Variants in TRPS1 observed in about 807,000 individuals in gnomAD.
TRPS1 encodes the protein transcriptional repressor GATA binding 1.
A neutral mutation model predicts 101.2 loss-of-function variants in TRPS1; 6 were observed. The ratio of observed to expected loss-of-function variants is 0.06; its 90% confidence interval spans 0.03 to 0.12. The LOEUF (loss-of-function observed/expected upper bound fraction) is 0.12, where lower values mean the gene tolerates loss of function less well. Among genes scored for constraint, TRPS1 ranks in the 10% least tolerant of loss-of-function variants. TRPS1 has a pLI of 1.00. For synonymous variants in TRPS1, 578 were observed against 589.8 expected, an observed-to-expected ratio of 0.98 and a Z score of 0.29; for missense variants, 1,363 against 1,567.0, an observed-to-expected ratio of 0.87 and a Z score of 2.20.
At chr8:115,444,203 G>C (rs1284922934) in intron 5 of TRPS1, among the ~76,000 whole-genome samples, 1 of 152,040 alleles carries the variant, frequency 6.6e-6, no homozygotes, top group African/African-American at 2.4e-5. Context: ...CATCATGTCT[G>C]GTGTCCAACA....
intron 1 of TRPS1, among the ~76,000 whole-genome samples, chr8:115,632,972 C>A (rs1222922515): frequency 1.3e-5 from 2 of 152,066 alleles, no homozygotes; most frequent in African/African-American, 2.4e-5. Flanking sequence ...CACTTTTCAG[C>A]TAAAGTTTAA....
At chr8:115,555,862 A>C (rs1437970899) in intron 5 of TRPS1, among the ~76,000 whole-genome samples, 1 of 76,586 alleles carries the variant, frequency 1.3e-5, no homozygotes, top group African/African-American at 1.2e-4. Context: ...CAAACAAACA[A>C]ACAAACAAAA....
At chr8:115,639,215 T>C (rs1402080849) in intron 1 of TRPS1, among the ~76,000 whole-genome samples, 1 of 152,154 alleles carries the variant, frequency 6.6e-6, no homozygotes, top group East Asian at 1.9e-4. Flanking sequence ...AGGCATGTAC[T>C]ACCATTCTGG....
intron 5 of TRPS1, among the ~76,000 whole-genome samples, chr8:115,531,329 C>A (rs961229407): frequency 4.6e-5 from 7 of 152,040 alleles, no homozygotes; most frequent in Non-Finnish European, 8.8e-5. Context: ...TTCTTGTAAT[C>A]AAAAATGTTT....
At chr8:115,600,906 C>G (rs1447383851) in intron 4 of TRPS1, among the ~76,000 whole-genome samples, 1 of 151,676 alleles carries the variant, frequency 6.6e-6, no homozygotes, top group Non-Finnish European at 1.5e-5. Context: ...ATATAATAAC[C>G]CAGTTATAGT....
At chr8:115,512,231 C>CT (rs1282766672) in intron 5 of TRPS1, among the ~76,000 whole-genome samples, 1 of 151,542 alleles carries the variant, frequency 6.6e-6, no homozygotes, top group African/African-American at 2.4e-5. Flanking sequence ...TGTTCATGTA[C>CT]TTTTTTAAGC....
At position 115,463,818 on chromosome 8, in the gene TRPS1, T is replaced by C. The variant is rs538500330; in HGVS notation, c.2701-45366A>G. On this transcript the variant is annotated intron_variant, in intron 5 of 6. Coordinates refer to ENST00000395715, the MANE Select transcript of TRPS1 (RefSeq NM_014112.5). ...TTATTTCAGAGGGCACACCTTTCCT[T>C]AGTAGAAATGTAGTGTTAACCACAG... 1.5e-4 allele frequency among the ~76,000 whole-genome samples: 23 copies of C among 152,112 alleles called. No homozygotes were observed. In the East Asian group the frequency reaches 4.2e-3, roughly 28 times the overall value.
chr8:115,556,764 T>C (rs570167381), intron 5 of TRPS1, among the ~76,000 whole-genome samples: 1 of 152,300 alleles, frequency 6.6e-6, no homozygotes, highest in African/African-American at 2.4e-5. Context: ...CAGAAATTCA[T>C]CATGTCTAGT....
chr8:115,545,684 T>C (rs1174198702), intron 5 of TRPS1, among the ~76,000 whole-genome samples: 1 of 152,166 alleles, frequency 6.6e-6, no homozygotes, highest in Non-Finnish European at 1.5e-5. Context: ...CATTCATATT[T>C]TAGATAAAGA....
chr8:115,668,032 A>C, intron 1 of TRPS1: 1 of 520,162 alleles, frequency 1.9e-6, no homozygotes, highest in Non-Finnish European at 3.3e-6. Context: ...AGAGACAGCG[A>C]GGGGGAGTGG....
intron 5 of TRPS1, among the ~76,000 whole-genome samples, chr8:115,435,614 T>A (rs1813429083): frequency 6.6e-6 from 1 of 152,158 alleles, no homozygotes; most frequent in Admixed American, 6.5e-5. Flanking sequence ...TCACTTTAAG[T>A]AAAAATCAGA....
At chr8:115,422,558 G>C (rs1813093104) in intron 5 of TRPS1, among the ~76,000 whole-genome samples, 1 of 152,190 alleles carries the variant, frequency 6.6e-6, no homozygotes, top group South Asian at 2.1e-4. Flanking sequence ...GTGGGGTCGG[G>C]TTTCACCACG....
At chr8:115,633,358 T>C (rs1818692790) in intron 1 of TRPS1, among the ~76,000 whole-genome samples, 1 of 152,106 alleles carries the variant, frequency 6.6e-6, no homozygotes, top group Admixed American at 6.6e-5. Flanking sequence ...ATAAGAACTC[T>C]GTATGTGATT....
At chr8:115,464,890 C>T (rs1814279663) in intron 5 of TRPS1, among the ~76,000 whole-genome samples, 1 of 152,016 alleles carries the variant, frequency 6.6e-6, no homozygotes, top group Admixed American at 6.6e-5. Flanking sequence ...CAAAGTCAAA[C>T]AAGATGTGCT....
rs140792074 is a variant in TRPS1 at position 115,660,169 on chromosome 8, C to T, written c.-122+8376G>A. Reference sequence around the variant, plus strand: ...CATATATTTTTACACTATTTATAAACATATCTGATCTTCCATATGATATGT... The same window carrying T: ...CATATATTTTTACACTATTTATAAATATATCTGATCTTCCATATGATATGT... On this transcript the variant is annotated intron_variant, in intron 1 of 6. Coordinates refer to ENST00000395715, the MANE Select transcript of TRPS1 (RefSeq NM_014112.5). Among the ~76,000 whole-genome samples the T allele has an allele frequency of 1.6e-3, 249 of 152,058 alleles. 4 individuals carry two copies. In the East Asian group the frequency reaches 0.043, roughly 26 times the overall value.
chr8:115,428,838 C>T (rs561058150), intron 5 of TRPS1, among the ~76,000 whole-genome samples: 17 of 152,160 alleles, frequency 1.1e-4, no homozygotes, highest in Admixed American at 2.6e-4. Flanking sequence ...GTCCTCAGGA[C>T]GGGTAAAATC....
At chr8:115,641,722 T>C (rs1290503445) in intron 1 of TRPS1, among the ~76,000 whole-genome samples, 2 of 151,838 alleles carry the variant, frequency 1.3e-5, no homozygotes, top group Middle Eastern at 6.3e-3. Context: ...TCTACTAAAG[T>C]ACAAAAAATT....
chr8:115,436,914 T>C (rs536465431), intron 5 of TRPS1, among the ~76,000 whole-genome samples: 1 of 144,504 alleles, frequency 6.9e-6, no homozygotes, highest in East Asian at 2.1e-4. Context: ...GTACCAGAAG[T>C]AAAGCAGTAA....
chr8:115,578,653 A>C lies in TRPS1; in HGVS notation c.2700+8348T>G, dbSNP rs193139708. Among the ~76,000 whole-genome samples, 4 of 152,120 alleles carry C rather than the reference A, an allele frequency of 2.6e-5. No individual in the cohort carries two copies. In the East Asian group the frequency reaches 7.7e-4, roughly 29 times the overall value. On this transcript the variant is annotated intron_variant, in intron 5 of 6. Coordinates refer to ENST00000395715, the MANE Select transcript of TRPS1 (RefSeq NM_014112.5). Reference sequence around the variant, plus strand: ...TAAAAAAGAAAATTATAAAACAGGGAGGTACATGATCCTATACTTGAATAA... The same window carrying C: ...TAAAAAAGAAAATTATAAAACAGGGCGGTACATGATCCTATACTTGAATAA...
Sources: gnomAD v4.1 joint callset for allele counts (sites outside exome capture counted in the v4.1 genomes callset) on GRCh38, gnomAD v4.1.1 for gene constraint, MANE v1.5 for transcripts, NCBI Gene and HGNC (gene_info 2026-07-23, HGNC 2026-07-21) for gene names.